Variants in RASA3 observed in about 807,000 individuals in gnomAD.
RASA3 encodes ras GTPase-activating protein 3.
In RASA3, 73 loss-of-function variants were observed where a neutral mutation model predicts 110.0. That is an observed-to-expected ratio of 0.66 (90% confidence interval 0.55 to 0.81). The LOEUF is 0.81. RASA3 is among the 30% of genes least tolerant of loss of function. The pLI is 0.00. For missense variants in RASA3, 976 were observed against 1,113.2 expected (o/e 0.88, Z 1.75); for synonymous variants, 500 against 451.4 (o/e 1.11, Z -1.37).
chr13:114,105,865 T>C (rs1434723238), intron 1 of RASA3, among the ~76,000 whole-genome samples: 3 of 152,206 alleles, frequency 2.0e-5, no homozygotes, highest in Non-Finnish European at 4.4e-5. Flanking sequence ...TGTGAAACTA[T>C]TACGGTAAGC....
chr13:114,095,847 G>A (rs1354631607), intron 1 of RASA3, among the ~76,000 whole-genome samples: 1 of 152,192 alleles, frequency 6.6e-6, no homozygotes, highest in Non-Finnish European at 1.5e-5. Flanking sequence ...TCTGTGATTT[G>A]AGCAAATAAG....
intron 22 of RASA3, among the ~76,000 whole-genome samples, chr13:113,991,519 C>T (rs964349803): frequency 9.2e-5 from 14 of 152,244 alleles, no homozygotes; most frequent in African/African-American, 3.4e-4. Flanking sequence ...ACAAACGCAG[C>T]TGCTTCACCC....
At chr13:114,015,453 G>A (rs1286661916) in intron 13 of RASA3, 121 bp from the exon 14 acceptor site, 54 of 1,263,198 alleles carry the variant, frequency 4.3e-5, no homozygotes, top group South Asian at 1.5e-4. Flanking sequence ...GGGCAGCTGC[G>A]GCAGTGAGAC....
chr13:114,018,260 G>A lies in RASA3; in HGVS notation c.943-8C>T. On this transcript the variant is annotated splice_region_variant and splice_polypyrimidine_tract_variant and intron_variant, in intron 10 of 23. Transcript: ENST00000334062. The stretch of plus-strand genomic sequence containing the variant: ...CGCAGACGCTGACACGGGCTGCGGG[G>A]AGGGGTGAGGTCAGTGCCAGGGCCC... The A allele has an allele frequency of 1.9e-6, 3 of 1,549,512 alleles. No individual in the cohort carries two copies. In the East Asian group the frequency reaches 7.3e-5, roughly 38 times the overall value.
At chr13:114,093,098 GTTA>G (rs796698559) in intron 1 of RASA3, among the ~76,000 whole-genome samples, 18 of 152,264 alleles carry the variant, frequency 1.2e-4, no homozygotes, top group African/African-American at 4.3e-4. Flanking sequence ...AATTGTTGTG[GTTA>G]TTATTTTATT....
rs182872961 is a variant in RASA3 at position 114,000,787 on chromosome 13, G to A, written c.1849+39C>T. 363 of 1,433,990 alleles carry A rather than the reference G, an allele frequency of 2.5e-4. No homozygotes were observed. The African/African-American group carries it at 4.3e-3, about 17-fold the overall frequency. The allele number at this position is 1,433,990 out of a possible 1,614,324, so 88.8% of individuals were successfully genotyped here. A position where few individuals can be genotyped will look rare whatever the true frequency, so the allele number is the denominator to read the frequency against. ...CAGACTCAGTCCCAGGGCCCAGCACGCTCCAGCAAGAGCCAGGGAAAGCGA... is the reference window on the plus strand; with the variant it reads ...CAGACTCAGTCCCAGGGCCCAGCACACTCCAGCAAGAGCCAGGGAAAGCGA... On this transcript the variant is annotated intron_variant, in intron 19 of 23. Transcript: ENST00000334062.
chr13:114,066,139 A>G (rs2079445558), intron 2 of RASA3, among the ~76,000 whole-genome samples: 1 of 152,024 alleles, frequency 6.6e-6, no homozygotes, highest in South Asian at 2.1e-4. Context: ...TCTCCTGCAC[A>G]TGAGGCTCTT....
chr13:114,074,961 T>G (rs2079643471), intron 1 of RASA3, among the ~76,000 whole-genome samples: 1 of 152,172 alleles, frequency 6.6e-6, no homozygotes, highest in South Asian at 2.1e-4. Flanking sequence ...ATGCCCAGTT[T>G]AAGTCCATTC....
chr13:113,982,010 C>T (rs996308867), intron 22 of RASA3, 152 bp from the exon 23 acceptor site: 13 of 687,882 alleles, frequency 1.9e-5, no homozygotes, highest in African/African-American at 1.8e-4. Context: ...TAAACGCAGA[C>T]GGAGATAGAA....
chr13:114,043,806 A>T (rs1176982541), intron 3 of RASA3, among the ~76,000 whole-genome samples: 1 of 149,052 alleles, frequency 6.7e-6, no homozygotes, highest in African/African-American at 2.5e-5. Flanking sequence ...GACAGCCAGG[A>T]CACCTCCGCC....
At chr13:114,079,777 G>C (rs1310121682) in intron 1 of RASA3, among the ~76,000 whole-genome samples, 1 of 152,172 alleles carries the variant, frequency 6.6e-6, no homozygotes, top group African/African-American at 2.4e-5. Flanking sequence ...GTTCGCCTCT[G>C]GACACGGGGG....
intron 21 of RASA3, among the ~76,000 whole-genome samples, chr13:113,993,806 TAAAAAAAAAAAA>T (rs35450759): frequency 5.8e-5 from 5 of 85,592 alleles, no homozygotes; most frequent in Non-Finnish European, 1.1e-4. Context: ...AGACTCTGCC[TAAAAAAAAAAAA>T]AAAAAAAAAA....
At chr13:113,990,993 C>T (rs9590415) in intron 22 of RASA3, among the ~76,000 whole-genome samples, 53,718 of 93,700 alleles carry the variant, frequency 0.57, 13,652 homozygotes, top group African/African-American at 0.73. Context: ...GCACGGACAC[C>T]CAGGGCATGT....
Position 114,009,369 on chromosome 13 carries a change from G to A in RASA3, c.1668+18C>T. 6.3e-7 allele frequency: 1 copy of A among 1,598,498 alleles called. No homozygotes were observed. Among genetic ancestry groups the A allele is most frequent in the African/African-American group, 1.3e-5 (1 of 74,758 alleles). On this transcript the variant is annotated intron_variant, in intron 17 of 23. Transcript: ENST00000334062. ...TGAGCACGGCACACGGGCGGTCGGA[G>A]GGTGAGTCGATACTTACGTTCTTCA...
At chr13:114,110,367 AT>A (rs1315233139) in intron 1 of RASA3, among the ~76,000 whole-genome samples, 1 of 152,210 alleles carries the variant, frequency 6.6e-6, no homozygotes, top group Non-Finnish European at 1.5e-5. Context: ...TATCAAAAGG[AT>A]AACATTTCAT....
In RASA3 at chr13:114,115,041, C is replaced by T. The variant is rs1396002022; in HGVS notation, c.55+17394G>A. Reference sequence around the variant, plus strand: ...CAGCCCCACCCCCAGCTGTGAGATGCTGCAGGTTCCCCAGCCCCACCCCCA... The same window carrying T: ...CAGCCCCACCCCCAGCTGTGAGATGTTGCAGGTTCCCCAGCCCCACCCCCA... On this transcript the variant is annotated intron_variant, in intron 1 of 23. Transcript: ENST00000334062. This position sits in a 1 kb window ranked among gnomAD's most constrained non-coding sequence, Gnocchi z 5.0. 6.6e-6 allele frequency among the ~76,000 whole-genome samples: 1 copy of T among 150,444 alleles called. No homozygotes were observed. The highest frequency in any genetic ancestry group is 1.5e-5 in the Non-Finnish European group (1 of 67,504).
intron 10 of RASA3, 87 bp from the exon 11 acceptor site, chr13:114,018,339 A>T: frequency 7.0e-7 from 1 of 1,431,820 alleles, no homozygotes; most frequent in Non-Finnish European, 9.3e-7. Context: ...TCTCACTTCC[A>T]GCCACAATAG....
At position 114,004,613 on chromosome 13, in the gene RASA3, C is replaced by A. The variant is rs149863858; in HGVS notation, c.1742+2920G>T. Among the ~76,000 whole-genome samples the A allele has an allele frequency of 6.2e-3, 951 of 152,286 alleles. 11 individuals are homozygous for A. Among genetic ancestry groups the A allele is most frequent in the African/African-American group, 0.022 (895 of 41,552 alleles). ...ACCCAGCTCACGCCGGGCAGAATGG[C>A]TGGGATCAAATAAAACACGGAAAAA... On this transcript the variant is annotated intron_variant, in intron 18 of 23. Coordinates refer to ENST00000334062, the MANE Select transcript of RASA3 (RefSeq NM_007368.4).
chr13:114,116,386 C>G (rs989866794), intron 1 of RASA3, among the ~76,000 whole-genome samples: 1 of 151,956 alleles, frequency 6.6e-6, no homozygotes, highest in African/African-American at 2.4e-5. Flanking sequence ...ATAAACATGC[C>G]GCATTCTGAG....
Sources: gnomAD v4.1 joint callset for allele counts (sites outside exome capture counted in the v4.1 genomes callset) on GRCh38, gnomAD v4.1.1 for gene constraint, Gnocchi (gnomAD v3.1) non-coding constraint, MANE v1.5 for transcripts, NCBI Gene and HGNC (gene_info 2026-07-23, HGNC 2026-07-21) for gene names.